EPHB2: variants seen among roughly 807,000 people sequenced by gnomAD.
EPHB2 encodes ephrin type-B receptor 2.
A neutral mutation model predicts 96.4 loss-of-function variants in EPHB2; 18 were observed. The observed-to-expected ratio is 0.19, with a 90% confidence interval of 0.13 to 0.28. The LOEUF is 0.28. Ranked by LOEUF, EPHB2 falls within the 10% of genes least tolerant of loss-of-function variation. EPHB2 has a pLI of 1.00. For missense variants in EPHB2, 989 were observed against 1,355.4 expected (o/e 0.73, Z 4.25); for synonymous variants, 506 against 534.1 (o/e 0.95, Z 0.72).
At chr1:22,759,067 C>T (rs774145152) in intron 1 of EPHB2, among the ~76,000 whole-genome samples, 6 of 152,040 alleles carry the variant, frequency 3.9e-5, no homozygotes, top group African/African-American at 9.7e-5. Flanking sequence ...CTCATGAACA[C>T]GCCAGAAAAT....
chr1:22,875,060 C>T lies in EPHB2; in HGVS notation c.1304-7299C>T, dbSNP rs898971052. On this transcript the variant is annotated intron_variant, in intron 5 of 15. Transcript: ENST00000374630. The surrounding 1 kb of genome is among the most constrained non-coding windows in gnomAD (Gnocchi z 4.2). ...CTCAAACTTTCTTAGCCACAGAATA[C>T]GCAGTGCCACCCTAGCACCAGTTGT... 1.3e-5 allele frequency among the ~76,000 whole-genome samples: 2 copies of T among 152,310 alleles called. No homozygotes were observed. The highest frequency in any genetic ancestry group is 1.9e-4 in the East Asian group (1 of 5,182).
chr1:22,858,195 C>T lies in EPHB2; in HGVS notation c.812-4842C>T, dbSNP rs1645731682. ...AAAGGCCTGGAGGTGAGAGCGCATTCGATGACCACAGGCAGGAGCGCAGTG... is the reference window on the plus strand; with the variant it reads ...AAAGGCCTGGAGGTGAGAGCGCATTTGATGACCACAGGCAGGAGCGCAGTG... On this transcript the variant is annotated intron_variant, in intron 3 of 15. Transcript: ENST00000374630. This position sits in a 1 kb window ranked among gnomAD's most constrained non-coding sequence, Gnocchi z 7.7. Among the ~76,000 whole-genome samples the T allele has an allele frequency of 1.3e-5, 2 of 151,700 alleles. No individual in the cohort carries two copies. Among genetic ancestry groups the T allele is most frequent in the Admixed American group, 6.6e-5 (1 of 15,202 alleles).
In EPHB2 at chr1:22,912,480, C is replaced by G; in HGVS notation, c.2733C>G (p.Asp911Glu). The G allele has an allele frequency of 2.5e-6, 4 of 1,614,174 alleles. No individual in the cohort carries two copies. The South Asian group carries it at 4.4e-5, about 18-fold the overall frequency. The change falls in exon 15 of 16, where the codon GAC becomes GAG. Residue 911 changes from aspartate (D) to glutamate (E), a missense_variant. Asp to Glu is a conservative substitution (Grantham distance 45, BLOSUM62 2). Coordinates refer to ENST00000374630, the MANE Select transcript of EPHB2 (RefSeq NM_017449.5). ...CGCTGCTGGACCGCACGATCCCCGA[C>G]TACACCAGCTTTAACACGGTGGACG... is the stretch of plus-strand genomic sequence containing the variant. ...NLPLLDRTIP[D>E]YTSFNTVDEW...
At chr1:22,856,418 C>T (rs941034550) in intron 3 of EPHB2, among the ~76,000 whole-genome samples, 8 of 152,190 alleles carry the variant, frequency 5.3e-5, no homozygotes, top group Non-Finnish European at 8.8e-5. Flanking sequence ...TGCAGAAGGC[C>T]GGCGCTGGCT....
intron 4 of EPHB2, among the ~76,000 whole-genome samples, chr1:22,863,565 G>A (rs1638354257): frequency 6.6e-6 from 1 of 152,222 alleles, no homozygotes; most frequent in Non-Finnish European, 1.5e-5. Context: ...ACAGCCCAAG[G>A]TCCTCTAGGA....
chr1:22,754,887 G>A (rs112393542), intron 1 of EPHB2, among the ~76,000 whole-genome samples: 5 of 23,378 alleles, frequency 2.1e-4, no homozygotes, highest in Admixed American at 3.7e-4. Flanking sequence ...GTGAGGTGAG[G>A]CGAGGGGCAG....
In EPHB2 at chr1:22,733,767, G is replaced by T. The variant is rs538017416; in HGVS notation, c.61+22724G>T. On this transcript the variant is annotated intron_variant, in intron 1 of 15. Coordinates refer to ENST00000374630, the MANE Select transcript of EPHB2 (RefSeq NM_017449.5). This position sits in a 1 kb window ranked among gnomAD's most constrained non-coding sequence, Gnocchi z 4.6. The stretch of plus-strand genomic sequence containing the variant: ...CATGACACGCTACTACATCAGGCTG[G>T]TATGATTTGGTGGGGACAGAGCTAG... Among the ~76,000 whole-genome samples, 3 of 152,312 alleles carry T rather than the reference G, an allele frequency of 2.0e-5. No homozygotes were observed. Among genetic ancestry groups the T allele is most frequent in the African/African-American group, 7.2e-5 (3 of 41,582 alleles).
At chr1:22,877,234 G>A (rs1452497140) in intron 5 of EPHB2, among the ~76,000 whole-genome samples, 2 of 152,250 alleles carry the variant, frequency 1.3e-5, no homozygotes, top group South Asian at 2.1e-4. Flanking sequence ...TTGCTGTGTG[G>A]CCTTGGGCAA....
intron 9 of EPHB2, among the ~76,000 whole-genome samples, chr1:22,898,663 A>G (rs908427631): frequency 1.3e-5 from 2 of 152,086 alleles, no homozygotes; most frequent in African/African-American, 4.8e-5. Context: ...TGGAGAATGG[A>G]CCAACGGGGC....
At chr1:22,795,032 C>G (rs770521173) in intron 3 of EPHB2, among the ~76,000 whole-genome samples, 1 of 152,202 alleles carries the variant, frequency 6.6e-6, no homozygotes, top group African/African-American at 2.4e-5. Flanking sequence ...CATTGCTCTG[C>G]GGCAGCTGGC....
chr1:22,801,331 C>T (rs959246133), intron 3 of EPHB2, among the ~76,000 whole-genome samples: 5 of 152,106 alleles, frequency 3.3e-5, no homozygotes, highest in Non-Finnish European at 5.9e-5. Context: ...CCCATGAATG[C>T]CCCCCTTCCT....
At chr1:22,909,456 T>C (rs1274669028) in intron 13 of EPHB2, among the ~76,000 whole-genome samples, 2 of 152,246 alleles carry the variant, frequency 1.3e-5, no homozygotes, top group African/African-American at 4.8e-5. Context: ...AGACCACATC[T>C]GCCCTTCAGG....
intron 3 of EPHB2, among the ~76,000 whole-genome samples, chr1:22,826,507 C>T (rs2148480635): frequency 6.6e-6 from 1 of 152,322 alleles, no homozygotes; most frequent in Non-Finnish European, 1.5e-5. Context: ...ACACTTCTCT[C>T]CCAGTGATCT....
intron 3 of EPHB2, among the ~76,000 whole-genome samples, chr1:22,839,311 C>T (rs979342133): frequency 6.6e-6 from 1 of 152,172 alleles, no homozygotes; most frequent in Non-Finnish European, 1.5e-5. Flanking sequence ...CTGGACTTGC[C>T]CAAGGCCATT....
chr1:22,912,640 C>A, intron 15 of EPHB2, 41 bp downstream of exon 15: 1 of 1,609,896 alleles, frequency 6.2e-7, no homozygotes, highest in South Asian at 1.1e-5. Flanking sequence ...TTAGCACCCC[C>A]TCTCCACCGG....
intron 3 of EPHB2, among the ~76,000 whole-genome samples, chr1:22,804,872 C>A (rs1334921906): frequency 6.6e-6 from 1 of 152,008 alleles, no homozygotes; most frequent in East Asian, 1.9e-4. Context: ...CCTCCCCTGC[C>A]TCCCCACTTG....
intron 3 of EPHB2, among the ~76,000 whole-genome samples, chr1:22,805,864 G>A (rs371975445): frequency 2.0e-5 from 3 of 152,228 alleles, no homozygotes; most frequent in African/African-American, 4.8e-5. Context: ...TAAAGCAGCC[G>A]CCTGGGGTGG....
chr1:22,839,388 T>A (rs911596242), intron 3 of EPHB2, among the ~76,000 whole-genome samples: 1 of 152,132 alleles, frequency 6.6e-6, no homozygotes, highest in African/African-American at 2.4e-5. Context: ...CTCCATTTGC[T>A]CCTGAAAGCA....
intron 1 of EPHB2, among the ~76,000 whole-genome samples, chr1:22,775,549 C>T (rs754348693): frequency 1.3e-5 from 2 of 152,260 alleles, no homozygotes; most frequent in Non-Finnish European, 2.9e-5. Flanking sequence ...CAGGCAGGCC[C>T]CCTGCAGCCA....
Sources: allele counts gnomAD v4.1 joint callset (sites outside exome capture counted in the v4.1 genomes callset), GRCh38; gene constraint gnomAD v4.1.1; non-coding constraint Gnocchi (gnomAD v3.1); transcripts MANE v1.5; gene names NCBI Gene and HGNC (gene_info 2026-07-23, HGNC 2026-07-21).